Variants in MYOM2 observed in about 807,000 individuals in gnomAD.
MYOM2 encodes myomesin-2.
In MYOM2, 254 loss-of-function variants were observed where a neutral mutation model predicts 187.6. The ratio of observed to expected loss-of-function variants is 1.35; its 90% CI spans 1.22 to 1.50. The LOEUF is 1.50. Among genes scored for constraint, MYOM2 ranks in the 40% most tolerant of loss-of-function variants. The pLI is 0.00. For missense variants in MYOM2, 2,796 were observed against 1,924.0 expected (o/e 1.45, Z -8.48); for synonymous variants, 981 against 753.8 (o/e 1.30, Z -4.94).
intron 32 of MYOM2, among the ~76,000 whole-genome samples, chr8:2,132,758 C>A (rs1797920195): frequency 6.6e-6 from 1 of 152,198 alleles, no homozygotes. Context: ...GTGCATGCTT[C>A]AAACTCCAAA....
Position 2,086,389 on chromosome 8 carries a change from C to CGCGTGGCCACA in MYOM2, c.1644+999_1644+1000insGCGTGGCCACA, listed in dbSNP as rs1796057444. 8.5e-5 allele frequency among the ~76,000 whole-genome samples: 3 copies of CGCGTGGCCACA among 35,430 alleles called. 1 individual carries two copies. The highest frequency in any genetic ancestry group is 1.6e-4 in the Non-Finnish European group (3 of 18,264). 23.2% of individuals were successfully genotyped at this position (35,430 alleles called of 152,430 possible). On this transcript the variant is annotated intron_variant, in intron 14 of 36. Transcript: ENST00000262113. ...ACTGTTGTGATCTCTGCGTGGCCTCCCACTGTTGTGATCTCTGCGTGGCCT... is the reference window on the plus strand; with the variant it reads ...ACTGTTGTGATCTCTGCGTGGCCTCCGCGTGGCCACACACTGTTGTGATCTCTGCGTGGCCT...
intron 2 of MYOM2, 133 bp from the exon 3 acceptor site, chr8:2,052,025 G>A: frequency 4.7e-6 from 5 of 1,057,288 alleles, no homozygotes; most frequent in Admixed American, 2.2e-5. Flanking sequence ...ATATGCCTGT[G>A]CATGTGTGTG....
intron 11 of MYOM2, 41 bp from the exon 12 acceptor site, chr8:2,078,693 C>G: frequency 6.3e-7 from 1 of 1,595,988 alleles, no homozygotes; most frequent in Non-Finnish European, 8.6e-7. Context: ...TAGGTTGCCA[C>G]ATTTGCTATT....
At position 2,098,847 on chromosome 8, in the gene MYOM2, A is replaced by G; in HGVS notation, c.2314-10A>G. 1 of 1,605,936 alleles carries G rather than the reference A, an allele frequency of 6.2e-7. No homozygotes were observed. The highest frequency in any genetic ancestry group is 8.5e-7 in the Non-Finnish European group (1 of 1,173,898). On this transcript the variant is annotated splice_polypyrimidine_tract_variant and intron_variant, in intron 18 of 36. Transcript: ENST00000262113. ...TATCTCATGTATTAATTTAAACAAA[A>G]TCTGAATAGGTGGACGGCTTGACGG...
Position 2,073,353 on chromosome 8 carries a change from G to C in MYOM2, c.973G>C (p.Glu325Gln), listed in dbSNP as rs749626189. Residue 325 changes from glutamate to glutamine, a missense_variant, in exon 10 of 37, where the codon GAG (glutamate) becomes CAG (glutamine). Coordinates refer to ENST00000262113, the MANE Select transcript of MYOM2 (RefSeq NM_003970.4). ...EWYRDDVLLK[E>Q]SKWTKMFFGE... The stretch of plus-strand genomic sequence containing the variant: ...CGCTCTTTCAGACGTGCTGTTGAAA[G>C]AGTCCAAGTGGACGAAGATGTTCTT... The C allele has an allele frequency of 1.2e-6, 2 of 1,608,540 alleles. No homozygotes were observed. Among genetic ancestry groups the C allele is most frequent in the South Asian group, 1.1e-5 (1 of 90,516 alleles).
chr8:2,094,926 C>T (rs1278020125), intron 17 of MYOM2, among the ~76,000 whole-genome samples: 1 of 152,166 alleles, frequency 6.6e-6, no homozygotes, highest in Non-Finnish European at 1.5e-5. Context: ...TCGTGGCTTT[C>T]TGTTTTCTCA....
intron 21 of MYOM2, among the ~76,000 whole-genome samples, chr8:2,103,175 A>G (rs1256377347): frequency 6.6e-6 from 1 of 150,550 alleles, no homozygotes; most frequent in Admixed American, 6.6e-5. Context: ...TATTGTGTGT[A>G]TGGATGGACG....
chr8:2,107,786 C>T (rs1011778749), intron 23 of MYOM2, among the ~76,000 whole-genome samples: 5 of 152,198 alleles, frequency 3.3e-5, no homozygotes, highest in African/African-American at 1.2e-4. Context: ...AGGGTCTTGA[C>T]ACAGTTTTGT....
At position 2,069,357 on chromosome 8, in the gene MYOM2, G is replaced by C. The variant is rs879252023; in HGVS notation, c.733G>C (p.Val245Leu). The stretch of plus-strand genomic sequence containing the variant: ...ACAAGTGTCCACCAACGCGGCGGTG[G>C]TGGTGAGAAGTGAGTGCCGGGTGGG... The part of the protein sequence containing the change: ...HGQVSTNAAV[V>L]VRRFRGDEEP... The change falls in exon 7 of 37, where the codon GTG (valine) becomes CTG (leucine). Residue 245 changes from valine to leucine, a missense_variant. Physicochemically the swap from Val to Leu is conservative, Grantham distance 32. Transcript: ENST00000262113. 6.8e-6 allele frequency: 11 copies of C among 1,613,888 alleles called. No individual in the cohort carries two copies. The African/African-American group carries it at 1.3e-4, about 20-fold the overall frequency.
chr8:2,141,210 C>A, intron 34 of MYOM2, 33 bp downstream of exon 34: 1 of 1,597,302 alleles, frequency 6.3e-7, no homozygotes, highest in Non-Finnish European at 8.6e-7. Context: ...CTATGATATC[C>A]TGTGGGCAGT....
At chr8:2,143,501 C>G in intron 36 of MYOM2, 45 bp downstream of exon 36, 3 of 1,607,782 alleles carry the variant, frequency 1.9e-6, no homozygotes, top group Non-Finnish European at 2.6e-6. Flanking sequence ...CAGCACGGTG[C>G]GATGGACGCA....
chr8:2,099,988 C>T (rs1249777094), intron 19 of MYOM2, among the ~76,000 whole-genome samples: 2 of 137,100 alleles, frequency 1.5e-5, no homozygotes, highest in Non-Finnish European at 1.6e-5. Flanking sequence ...AAATTCCTTC[C>T]TTCCTTCTTT....
Position 2,144,968 on chromosome 8 carries a change from C to T in MYOM2, c.4385C>T (p.Ala1462Val), listed in dbSNP as rs778690685. ...AAGCTCATCCCCGCGTCTGCCTCAG[C>T]GGCAGGCCAGTGAAGGCGTTTTCCT... ...KPKLIPASAS[A>V]AGQ Residue 1462 changes from alanine to valine, a missense_variant, in exon 37 of 37, where the codon GCG becomes GTG. By Grantham distance (64) the Ala-to-Val change is moderately conservative. Coordinates refer to ENST00000262113, the MANE Select transcript of MYOM2 (RefSeq NM_003970.4). 8.7e-6 allele frequency: 14 copies of T among 1,613,878 alleles called. No homozygotes were observed. Among genetic ancestry groups the T allele is most frequent in the South Asian group, 2.2e-5 (2 of 91,076 alleles).
rs180847658 is a variant in MYOM2 at position 2,099,413 on chromosome 8, C to A, written c.2440+430C>A. Among the ~76,000 whole-genome samples the A allele has an allele frequency of 3.5e-3, 537 of 151,910 alleles. 3 individuals carry two copies. Among genetic ancestry groups the A allele is most frequent in the African/African-American group, 0.012 (517 of 41,394 alleles). On this transcript the variant is annotated intron_variant, in intron 19 of 36. Coordinates refer to ENST00000262113, the MANE Select transcript of MYOM2 (RefSeq NM_003970.4). Reference sequence around the variant, plus strand: ...TGGGAGGCGCGACAGGGTTCTCATTCGTGGGTTAGCTCCTGCAGTCCTCTC... The same window carrying A: ...TGGGAGGCGCGACAGGGTTCTCATTAGTGGGTTAGCTCCTGCAGTCCTCTC...
intron 25 of MYOM2, among the ~76,000 whole-genome samples, chr8:2,113,697 G>A (rs1487281290): frequency 2.0e-5 from 3 of 152,204 alleles, no homozygotes; most frequent in South Asian, 2.1e-4. Context: ...TTCCGGTCCT[G>A]ACCATGTCCG....
Position 2,129,132 on chromosome 8 carries a change from T to C in MYOM2, c.3700T>C (p.Ser1234Pro). 1 of 1,601,556 alleles carries C rather than the reference T, an allele frequency of 6.2e-7. No homozygotes were observed. Among genetic ancestry groups the C allele is most frequent in the Non-Finnish European group, 8.6e-7 (1 of 1,169,554 alleles). ...GGATGTTTTATTTTCTGCAGGGAAA[T>C]CTGCTTCGCCACTGAAGGTACTCTG... is the stretch of plus-strand genomic sequence containing the variant. ...ILAMSRVCGK[S>P]ASPLKVLCTP... The change falls in exon 32 of 37, where the codon TCT (serine) becomes CCT (proline). Residue 1234 changes from serine (S) to proline (P), a missense_variant. Coordinates refer to ENST00000262113, the MANE Select transcript of MYOM2 (RefSeq NM_003970.4).
intron 28 of MYOM2, among the ~76,000 whole-genome samples, chr8:2,120,061 C>T (rs73169419): frequency 0.11 from 16,349 of 152,072 alleles, 1,004 homozygotes; most frequent in East Asian, 0.2. Context: ...ACAGCAGCTC[C>T]TTATTAAGAA....
intron 32 of MYOM2, among the ~76,000 whole-genome samples, chr8:2,135,244 C>G (rs895615486): frequency 6.6e-6 from 1 of 152,138 alleles, no homozygotes; most frequent in African/African-American, 2.4e-5. Context: ...TCAGTGTTTC[C>G]TACAATTAAT....
intron 2 of MYOM2, among the ~76,000 whole-genome samples, chr8:2,051,500 C>T (rs1395927905): frequency 2.6e-5 from 4 of 152,184 alleles, no homozygotes; most frequent in Non-Finnish European, 4.4e-5. Flanking sequence ...CGCGGGCAGG[C>T]GTTCTGCAGC....
Sources: gnomAD v4.1 joint callset for allele counts (sites outside exome capture counted in the v4.1 genomes callset) on GRCh38, gnomAD v4.1.1 for gene constraint, MANE v1.5 for transcripts, NCBI Gene and HGNC (gene_info 2026-07-23, HGNC 2026-07-21) for gene names.